The following PRDM16 variants were observed in gnomAD, a reference collection of about 807,000 sequenced individuals.
The protein encoded by PRDM16 is PR/SET domain 16, also known as histone-lysine N-methyltransferase PRDM16.
In PRDM16, 23 loss-of-function variants were observed where a neutral mutation model predicts 110.6. The ratio of observed to expected loss-of-function variants is 0.21; its 90% CI spans 0.15 to 0.29. The LOEUF (loss-of-function observed/expected upper bound fraction) is 0.29, where lower values mean the gene tolerates loss of function less well. Among genes scored for constraint, PRDM16 ranks in the 10% least tolerant of loss-of-function variants. The pLI is 1.00. For missense variants in PRDM16, 1,615 were observed against 1,794.3 expected, an observed-to-expected ratio of 0.90 and a Z score of 1.81; for synonymous variants, 799 against 781.8, an observed-to-expected ratio of 1.02 and a Z score of -0.37.
chr1:3,212,016 G>C (rs1286125113), intron 2 of PRDM16, among the ~76,000 whole-genome samples: 1 of 152,190 alleles, frequency 6.6e-6, no homozygotes, highest in Admixed American at 6.5e-5. Context: ...TCTCCGGGTG[G>C]ATTAATCCTC....
chr1:3,351,183 C>T (rs923790378), intron 3 of PRDM16, among the ~76,000 whole-genome samples: 1 of 152,172 alleles, frequency 6.6e-6, no homozygotes, highest in African/African-American at 2.4e-5. Flanking sequence ...ACGGGGTCCA[C>T]CCCGGCCCCT....
In PRDM16 at chr1:3,157,903, C is replaced by T. The variant is rs1643870869; in HGVS notation, c.38-28222C>T. 6.6e-6 allele frequency among the ~76,000 whole-genome samples: 1 copy of T among 152,214 alleles called. No individual in the cohort carries two copies. The highest frequency in any genetic ancestry group is 2.4e-5 in the African/African-American group (1 of 41,446). On this transcript the variant is annotated intron_variant, in intron 1 of 16. Coordinates refer to ENST00000270722, the MANE Select transcript of PRDM16 (RefSeq NM_022114.4). The surrounding 1 kb of genome is among the most constrained non-coding windows in gnomAD (Gnocchi z 4.8). ...CTATGCCATCTTCCTCCCACTTAAA[C>T]CTCTCTTTTGACAGAGGACAGATAT...
intron 7 of PRDM16, 90 bp from the exon 8 acceptor site, chr1:3,405,405 T>G (rs1009187651): frequency 1.5e-6 from 2 of 1,378,702 alleles, no homozygotes; most frequent in Non-Finnish European, 1.9e-6. Flanking sequence ...GGCAGGGCCC[T>G]GCCCCCCACA....
intron 4 of PRDM16, among the ~76,000 whole-genome samples, chr1:3,389,869 T>TTG (rs1249411662): frequency 6.6e-6 from 1 of 152,018 alleles, no homozygotes; most frequent in Non-Finnish European, 1.5e-5. Flanking sequence ...GTGGGGGACT[T>TTG]TGACTTGCTG....
chr1:3,296,149 C>A (rs983558175), intron 3 of PRDM16, among the ~76,000 whole-genome samples: 3 of 152,198 alleles, frequency 2.0e-5, no homozygotes, highest in African/African-American at 4.8e-5. Context: ...GTTCCGGAAC[C>A]GTACGGGTCA....
chr1:3,159,538 G>A (rs1253887420), intron 1 of PRDM16, among the ~76,000 whole-genome samples: 1 of 152,178 alleles, frequency 6.6e-6, no homozygotes. Flanking sequence ...CCACCCTAGT[G>A]ACCTCACTTT....
intron 1 of PRDM16, among the ~76,000 whole-genome samples, chr1:3,118,663 A>G (rs6690373): frequency 0.21 from 32,176 of 152,142 alleles, 4,600 homozygotes; most frequent in African/African-American, 0.39. Flanking sequence ...GCATATGACC[A>G]TGTCTCCAGG....
rs1640953472 is a variant in PRDM16, at chr1:3,290,702, A to G, written c.438+46565A>G. The stretch of plus-strand genomic sequence containing the variant: ...CAACCCAGGGAAACAACAGGGCTCC[A>G]GGGGGACGTGCAGGGAGTGGAAGAA... On this transcript the variant is annotated intron_variant, in intron 3 of 16. Transcript: ENST00000270722. The surrounding 1 kb of genome is among the most constrained non-coding windows in gnomAD (Gnocchi z 4.8). Among the ~76,000 whole-genome samples, 1 of 152,148 alleles carries G rather than the reference A, an allele frequency of 6.6e-6. No individual in the cohort carries two copies. The highest frequency in any genetic ancestry group is 1.5e-5 in the Non-Finnish European group (1 of 68,024).
intron 3 of PRDM16, among the ~76,000 whole-genome samples, chr1:3,258,423 CTCT>C (rs1640094153): frequency 6.6e-6 from 1 of 152,154 alleles, no homozygotes; most frequent in African/African-American, 2.4e-5. Context: ...CAGCGTTGGC[CTCT>C]TCTTATGCTA....
chr1:3,356,195 A>G (rs1034702439), intron 3 of PRDM16, among the ~76,000 whole-genome samples: 1 of 152,210 alleles, frequency 6.6e-6, no homozygotes. Flanking sequence ...GCACGCGGGC[A>G]CAGATGAATC....
chr1:3,266,528 C>T (rs189135107), intron 3 of PRDM16, among the ~76,000 whole-genome samples: 59 of 152,278 alleles, frequency 3.9e-4, no homozygotes, highest in African/African-American at 1.4e-3. Context: ...ATTGCTGCTC[C>T]GCTCCTCCGA....
In PRDM16 at chr1:3,411,937, G is replaced by T. The variant is rs1643695125; in HGVS notation, c.1740G>T (p.Glu580Asp). ...TAAAGPEEKFESRLEDSCVEK... is the reference protein window; with the variant it reads ...TAAAGPEEKFDSRLEDSCVEK... ...CTGCGGGGCCCGAGGAGAAGTTCGA[G>T]AGCCGCCTGGAGGACTCCTGTGTGG... is the stretch of plus-strand genomic sequence containing the variant. The change falls in exon 9 of 17, where the codon GAG becomes GAT. Residue 580 changes from glutamate to aspartate, a missense_variant. Coordinates refer to ENST00000270722, the MANE Select transcript of PRDM16 (RefSeq NM_022114.4). 6.2e-7 allele frequency: 1 copy of T among 1,613,580 alleles called. No homozygotes were observed. The highest frequency in any genetic ancestry group is 1.3e-5 in the African/African-American group (1 of 74,892).
intron 1 of PRDM16, among the ~76,000 whole-genome samples, chr1:3,077,809 G>A (rs554004394): frequency 1.3e-5 from 2 of 152,316 alleles, no homozygotes; most frequent in South Asian, 2.1e-4. Flanking sequence ...GGCAGGGCCC[G>A]GGCCACATCA....
rs536974562 is a variant in PRDM16, at chr1:3,213,286, T to C, written c.387+26812T>C. Among the ~76,000 whole-genome samples, 3 of 151,760 alleles carry C rather than the reference T, an allele frequency of 2.0e-5. No homozygotes were observed. The highest frequency in any genetic ancestry group is 4.4e-5 in the Non-Finnish European group (3 of 67,988). On this transcript the variant is annotated intron_variant, in intron 2 of 16. Coordinates refer to ENST00000270722, the MANE Select transcript of PRDM16 (RefSeq NM_022114.4). This position sits in a 1 kb window ranked among gnomAD's most constrained non-coding sequence, Gnocchi z 5.3. ...AAATCTTTATGAATTAAACATGGCA[T>C]GTCCATCAAGTCATAGAGACAACCA... is the stretch of plus-strand genomic sequence containing the variant.
At position 3,353,767 on chromosome 1, in the gene PRDM16, C is replaced by T. The variant is rs529656536; in HGVS notation, c.439-31385C>T. Among the ~76,000 whole-genome samples the T allele has an allele frequency of 6.6e-6, 1 of 152,314 alleles. No homozygotes were observed. Among genetic ancestry groups the T allele is most frequent in the East Asian group, 1.9e-4 (1 of 5,172 alleles). On this transcript the variant is annotated intron_variant, in intron 3 of 16. Transcript: ENST00000270722. This position sits in a 1 kb window ranked among gnomAD's most constrained non-coding sequence, Gnocchi z 5.4. ...AAGGGGGTTGCACTTGGGGCCGGACCTCCTGACTCCTGCCTCTGTGTCTTG... is the reference window on the plus strand; with the variant it reads ...AAGGGGGTTGCACTTGGGGCCGGACTTCCTGACTCCTGCCTCTGTGTCTTG...
chr1:3,183,137 G>A (rs1041914412), intron 1 of PRDM16, among the ~76,000 whole-genome samples: 1 of 152,230 alleles, frequency 6.6e-6, no homozygotes, highest in African/African-American at 2.4e-5. Flanking sequence ...ACCTGTGAGA[G>A]AGTGCCTGCT....
intron 1 of PRDM16, among the ~76,000 whole-genome samples, chr1:3,169,354 A>T (rs908571707): frequency 2.0e-5 from 3 of 152,080 alleles, no homozygotes; most frequent in African/African-American, 7.2e-5. Context: ...GCTCAGGGAA[A>T]CACCCTACGG....
chr1:3,104,773 C>T (rs1006950465), intron 1 of PRDM16, among the ~76,000 whole-genome samples: 12 of 152,088 alleles, frequency 7.9e-5, no homozygotes, highest in Non-Finnish European at 1.6e-4. Context: ...ATTCCTGGGC[C>T]GTGGCCACCC....
chr1:3,315,117 C>T (rs1320794000), intron 3 of PRDM16, among the ~76,000 whole-genome samples: 2 of 151,184 alleles, frequency 1.3e-5, no homozygotes, highest in Non-Finnish European at 3.0e-5. Context: ...CACTTGCTAC[C>T]GCCTCTCTCT....
Sources: gnomAD v4.1 joint callset for allele counts (sites outside exome capture counted in the v4.1 genomes callset) on GRCh38, gnomAD v4.1.1 for gene constraint, Gnocchi (gnomAD v3.1) non-coding constraint, MANE v1.5 for transcripts, NCBI Gene and HGNC (gene_info 2026-07-23, HGNC 2026-07-21) for gene names.